The following PTPRT variants were observed in gnomAD, a reference collection of about 807,000 sequenced individuals.
PTPRT encodes the protein protein tyrosine phosphatase receptor type T.
PTPRT carries 56 observed loss-of-function variants against 176.8 expected under a neutral mutation model. The observed-to-expected ratio is 0.32, with a 90% CI of 0.26 to 0.40. The LOEUF is 0.40. Ranked by LOEUF, PTPRT falls within the 10% of genes least tolerant of loss-of-function variation. PTPRT has a pLI of 1.00. For synonymous variants in PTPRT, 783 were observed against 739.0 expected (o/e 1.06, Z -0.96); for missense variants, 1,540 against 1,908.2 (o/e 0.81, Z 3.60).
At chr20:42,106,266 T>C (rs1227693805) in intron 24 of PTPRT, among the ~76,000 whole-genome samples, 1 of 152,232 alleles carries the variant, frequency 6.6e-6, no homozygotes, top group Non-Finnish European at 1.5e-5. Context: ...GCTCTCCAAC[T>C]GCACAGAGAG....
At chr20:43,010,546 G>A (rs1478282192) in intron 1 of PTPRT, among the ~76,000 whole-genome samples, 3 of 152,140 alleles carry the variant, frequency 2.0e-5, no homozygotes, top group African/African-American at 7.2e-5. Flanking sequence ...AGTAGGGTTG[G>A]ATGAGATATT....
At chr20:42,730,300 G>T (rs1333837100) in intron 6 of PTPRT, among the ~76,000 whole-genome samples, 1 of 152,180 alleles carries the variant, frequency 6.6e-6, no homozygotes, top group Non-Finnish European at 1.5e-5. Flanking sequence ...CAAAAGGGAA[G>T]AATCATGGCA....
At chr20:42,688,999 G>A (rs2075747195) in intron 6 of PTPRT, among the ~76,000 whole-genome samples, 1 of 152,136 alleles carries the variant, frequency 6.6e-6, no homozygotes, top group South Asian at 2.1e-4. Flanking sequence ...AGAGTCCTGT[G>A]GACTCACACA....
intron 8 of PTPRT, among the ~76,000 whole-genome samples, chr20:42,451,562 A>G (rs1404958177): frequency 6.6e-6 from 1 of 152,214 alleles, no homozygotes; most frequent in African/African-American, 2.4e-5. Context: ...ATTAACAATT[A>G]GGAGGAAAAT....
chr20:43,168,873 T>C (rs966468768), intron 1 of PTPRT, among the ~76,000 whole-genome samples: 4 of 152,206 alleles, frequency 2.6e-5, no homozygotes, highest in Non-Finnish European at 5.9e-5. Flanking sequence ...TAAGGTTGAT[T>C]CTTCAATTCA....
intron 1 of PTPRT, among the ~76,000 whole-genome samples, chr20:43,102,577 C>T (rs1286092302): frequency 6.6e-6 from 1 of 152,196 alleles, no homozygotes; most frequent in Non-Finnish European, 1.5e-5. Context: ...GCAGAAAGCT[C>T]CTGCCACCAC....
In PTPRT at chr20:42,243,496, C is replaced by A. The variant is rs546594692; in HGVS notation, c.2312+5191G>T. On this transcript the variant is annotated intron_variant, in intron 14 of 30. Transcript: ENST00000373187. ...GAGATGGTAACATTTGGGAGTCCTA[C>A]TAGGAAGAACAAGAGGCTGAGAGTC... is the stretch of plus-strand genomic sequence containing the variant. 3.3e-5 allele frequency among the ~76,000 whole-genome samples: 5 copies of A among 152,180 alleles called. No homozygotes were observed. The South Asian group carries it at 1.0e-3, about 32-fold the overall frequency.
At chr20:42,489,304 C>G (rs1382515379) in intron 7 of PTPRT, among the ~76,000 whole-genome samples, 2 of 152,040 alleles carry the variant, frequency 1.3e-5, no homozygotes, top group African/African-American at 4.8e-5. Flanking sequence ...AGCCATGAGA[C>G]TTTCCTTGCC....
At chr20:42,597,820 T>C (rs1259497438) in intron 7 of PTPRT, among the ~76,000 whole-genome samples, 2 of 152,122 alleles carry the variant, frequency 1.3e-5, no homozygotes, top group Non-Finnish European at 2.9e-5. Context: ...TAGAAGCAAG[T>C]CACAAGTTCC....
At chr20:43,064,033 TA>T (rs76373141) in intron 1 of PTPRT, among the ~76,000 whole-genome samples, 108 of 145,548 alleles carry the variant, frequency 7.4e-4, no homozygotes, top group South Asian at 3.3e-3. Flanking sequence ...CAACTTTTCT[TA>T]AAAAAAAAAA....
At chr20:42,146,971 C>T (rs551250409) in intron 17 of PTPRT, among the ~76,000 whole-genome samples, 5 of 152,318 alleles carry the variant, frequency 3.3e-5, no homozygotes, top group Admixed American at 6.5e-5. Flanking sequence ...CAAAACTCAG[C>T]GTAAGCATCT....
rs116017553 is a variant in PTPRT, at chr20:42,558,372, G to T, written c.1154-85810C>A. ...TGTTTTCTTTATCCAGTCTACCATTGTTGGGCATTTAGGTTGATTCCATGT... is the reference window on the plus strand; with the variant it reads ...TGTTTTCTTTATCCAGTCTACCATTTTTGGGCATTTAGGTTGATTCCATGT... On this transcript the variant is annotated intron_variant, in intron 7 of 30. Transcript: ENST00000373187. Among the ~76,000 whole-genome samples, 597 of 152,234 alleles carry T rather than the reference G, an allele frequency of 3.9e-3. 5 individuals are homozygous for T. Among genetic ancestry groups the T allele is most frequent in the African/African-American group, 0.014 (565 of 41,546 alleles).
chr20:43,060,590 C>A (rs184014229), intron 1 of PTPRT, among the ~76,000 whole-genome samples: 1 of 152,148 alleles, frequency 6.6e-6, no homozygotes, highest in Non-Finnish European at 1.5e-5. Flanking sequence ...TTATTATCTG[C>A]AATACAGGCA....
At chr20:42,223,548 T>C (rs1048068796) in intron 15 of PTPRT, among the ~76,000 whole-genome samples, 1 of 152,228 alleles carries the variant, frequency 6.6e-6, no homozygotes, top group Non-Finnish European at 1.5e-5. Flanking sequence ...GTACAATTTT[T>C]GAGCAAATTG....
intron 16 of PTPRT, among the ~76,000 whole-genome samples, chr20:42,191,288 G>A (rs1600655691): frequency 6.6e-6 from 1 of 152,152 alleles, no homozygotes; most frequent in African/African-American, 2.4e-5. Context: ...ATCTTCATCT[G>A]GGCTGACTGA....
intron 1 of PTPRT, among the ~76,000 whole-genome samples, chr20:43,077,455 G>A (rs992718904): frequency 7.9e-5 from 12 of 152,260 alleles, no homozygotes; most frequent in Admixed American, 3.3e-4. Context: ...GAGTATAGCG[G>A]TGTGGATCAA....
chr20:42,474,972 A>G (rs941112721), intron 7 of PTPRT, among the ~76,000 whole-genome samples: 1 of 152,202 alleles, frequency 6.6e-6, no homozygotes, highest in South Asian at 2.1e-4. Flanking sequence ...GGCAGGGAGA[A>G]GAGGAACACT....
At chr20:42,749,375 C>T (rs559890587) in intron 6 of PTPRT, among the ~76,000 whole-genome samples, 44 of 152,162 alleles carry the variant, frequency 2.9e-4, no homozygotes, top group Non-Finnish European at 4.7e-4. Context: ...TGGGGCCAGT[C>T]GGAGAGGCTA....
At chr20:42,705,619 A>C (rs2076042217) in intron 6 of PTPRT, among the ~76,000 whole-genome samples, 1 of 152,138 alleles carries the variant, frequency 6.6e-6, no homozygotes, top group Non-Finnish European at 1.5e-5. Flanking sequence ...ACTCCTGTGA[A>C]AGTGCAGCTT....
Sources: allele counts gnomAD v4.1 joint callset (sites outside exome capture counted in the v4.1 genomes callset), GRCh38; gene constraint gnomAD v4.1.1; transcripts MANE v1.5; gene names NCBI Gene and HGNC (gene_info 2026-07-23, HGNC 2026-07-21).